Variants in ADK observed in about 807,000 individuals in gnomAD.
ADK encodes N6,N6-dimethyladenosine kinase.
A neutral mutation model predicts 44.7 loss-of-function variants in ADK; 24 were observed. The observed-to-expected ratio is 0.54, with a 90% CI of 0.39 to 0.76. The LOEUF is 0.76. ADK is among the 30% of genes least tolerant of loss of function. ADK has a pLI of 0.00. For synonymous variants in ADK, 128 were observed against 142.6 expected (o/e 0.90, Z 0.73); for missense variants, 321 against 425.1 (o/e 0.76, Z 2.15).
At chr10:74,679,182 C>G (rs1855510134) in intron 10 of ADK, among the ~76,000 whole-genome samples, 1 of 152,196 alleles carries the variant, frequency 6.6e-6, no homozygotes, top group Non-Finnish European at 1.5e-5. Context: ...ACTACAACAT[C>G]TTAGCTTCCT....
chr10:74,495,838 G>A (rs562198836), intron 6 of ADK, among the ~76,000 whole-genome samples: 1 of 152,222 alleles, frequency 6.6e-6, no homozygotes, highest in African/African-American at 2.4e-5. Context: ...TAGTTACCTG[G>A]TACCACCATT....
At chr10:74,393,560 C>A (rs984611461) in intron 4 of ADK, among the ~76,000 whole-genome samples, 5 of 152,036 alleles carry the variant, frequency 3.3e-5, no homozygotes, top group Admixed American at 3.3e-4. Context: ...TAGTAACAGC[C>A]ACAGCTAATA....
At chr10:74,349,803 A>T (rs992039977) in intron 4 of ADK, among the ~76,000 whole-genome samples, 5 of 152,186 alleles carry the variant, frequency 3.3e-5, no homozygotes, top group Non-Finnish European at 5.9e-5. Context: ...ACTAACAAAG[A>T]TCAAAAAAGA....
At chr10:74,319,177 T>TA (rs1840729400) in intron 4 of ADK, among the ~76,000 whole-genome samples, 1 of 152,252 alleles carries the variant, frequency 6.6e-6, no homozygotes, top group Non-Finnish European at 1.5e-5. Flanking sequence ...CGTTATTTTT[T>TA]TAAAAAGTGT....
chr10:74,363,741 C>G (rs552015982), intron 4 of ADK, among the ~76,000 whole-genome samples: 2 of 152,044 alleles, frequency 1.3e-5, no homozygotes, highest in Non-Finnish European at 2.9e-5. Context: ...CGGACAGATA[C>G]CCCTCTTCCA....
intron 1 of ADK, among the ~76,000 whole-genome samples, chr10:74,173,936 GTTAA>G (rs1026207938): frequency 2.0e-5 from 3 of 152,088 alleles, no homozygotes; most frequent in South Asian, 2.1e-4. Context: ...CTTTACTATA[GTTAA>G]TTAAATTTTA....
intron 6 of ADK, among the ~76,000 whole-genome samples, chr10:74,441,663 T>TA (rs1845410040): frequency 6.6e-6 from 1 of 152,156 alleles, no homozygotes; most frequent in Admixed American, 6.6e-5. Flanking sequence ...AATGACTTTT[T>TA]ATGTATGACA....
intron 1 of ADK, among the ~76,000 whole-genome samples, chr10:74,180,355 A>C (rs1842495533): frequency 6.7e-6 from 1 of 150,264 alleles, no homozygotes; most frequent in Non-Finnish European, 1.5e-5. Context: ...CTCCTGCCTC[A>C]GCCTCCCGAG....
intron 1 of ADK, 85 bp from the exon 2 acceptor site, chr10:74,200,679 A>G: frequency 1.1e-6 from 1 of 884,374 alleles, no homozygotes; most frequent in South Asian, 1.4e-5. Context: ...GGTTGAAATG[A>G]AGATAGTTAT....
intron 6 of ADK, among the ~76,000 whole-genome samples, chr10:74,427,899 T>C (rs10824175): frequency 1.3e-5 from 2 of 151,902 alleles, no homozygotes; most frequent in African/African-American, 4.8e-5. Context: ...TTAACAGAAA[T>C]TTATTCTTTC....
chr10:74,446,847 T>C (rs1845604003), intron 6 of ADK, among the ~76,000 whole-genome samples: 1 of 152,148 alleles, frequency 6.6e-6, no homozygotes, highest in South Asian at 2.1e-4. Flanking sequence ...AAATATATTA[T>C]TAGTCTATAA....
chr10:74,534,169 T>C (rs1321477517), intron 7 of ADK, among the ~76,000 whole-genome samples: 1 of 152,176 alleles, frequency 6.6e-6, no homozygotes, highest in African/African-American at 2.4e-5. Context: ...TTAGGAGTAA[T>C]AGATGTGTTC....
At position 74,246,430 on chromosome 10, in the gene ADK, ATGG is replaced by A; in HGVS notation, c.194+21841_194+21843del. Among the ~76,000 whole-genome samples the A allele has an allele frequency of 2.0e-5, 3 of 152,310 alleles. No homozygotes were observed. In the South Asian group the frequency reaches 6.2e-4, roughly 32 times the overall value. ...GTGTGTGTTCTAATGAGTTGAGCAG[ATGG>A]TTGGTTTTATAGACAGAAAGGGCTG... is the stretch of plus-strand genomic sequence containing the variant. On this transcript the variant is annotated intron_variant, in intron 3 of 10. Transcript: ENST00000539909.
At chr10:74,190,078 T>G (rs1011847535) in intron 1 of ADK, among the ~76,000 whole-genome samples, 1 of 152,196 alleles carries the variant, frequency 6.6e-6, no homozygotes, top group African/African-American at 2.4e-5. Flanking sequence ...TTTTGTGGTG[T>G]TCTATTTTTC....
chr10:74,535,860 A>AT (rs1849432031), intron 7 of ADK, among the ~76,000 whole-genome samples: 3 of 152,070 alleles, frequency 2.0e-5, no homozygotes, highest in Admixed American at 2.0e-4. Context: ...AAGTGCTGAG[A>AT]TTACAGGTGT....
chr10:74,514,274 G>A (rs1181930791), intron 6 of ADK, among the ~76,000 whole-genome samples: 4 of 152,152 alleles, frequency 2.6e-5, no homozygotes, highest in South Asian at 4.1e-4. Context: ...TAACTGTAAT[G>A]TGCCTTGCAG....
intron 2 of ADK, among the ~76,000 whole-genome samples, chr10:74,208,650 G>A (rs1458438256): frequency 6.6e-6 from 1 of 152,020 alleles, no homozygotes; most frequent in East Asian, 1.9e-4. Flanking sequence ...TGATATAAAC[G>A]AATCGTGTTT....
chr10:74,295,393 C>T (rs769286925), intron 3 of ADK, among the ~76,000 whole-genome samples: 18 of 151,318 alleles, frequency 1.2e-4, no homozygotes, highest in Non-Finnish European at 2.2e-4. Context: ...ACCTGAGAGG[C>T]GGAGGTGGCA....
At chr10:74,320,737 C>CT (rs1398690182) in intron 4 of ADK, among the ~76,000 whole-genome samples, 2 of 151,990 alleles carry the variant, frequency 1.3e-5, no homozygotes, top group Admixed American at 6.6e-5. Context: ...CCTCAGCTTG[C>CT]TTTTTTTACC....
Sources: gnomAD v4.1 joint callset for allele counts (sites outside exome capture counted in the v4.1 genomes callset) on GRCh38, gnomAD v4.1.1 for gene constraint, MANE v1.5 for transcripts, NCBI Gene and HGNC (gene_info 2026-07-23, HGNC 2026-07-21) for gene names.